ZMIZ1: variants seen among roughly 807,000 people sequenced by gnomAD.
ZMIZ1 encodes zinc finger MIZ domain-containing protein 1.
In ZMIZ1, 17 loss-of-function variants were observed where a neutral mutation model predicts 113.9. That is an observed-to-expected ratio of 0.15 (90% CI 0.10 to 0.22). The LOEUF (loss-of-function observed/expected upper bound fraction) is 0.22. Ranked by LOEUF, ZMIZ1 falls within the 10% of genes least tolerant of loss-of-function variation. ZMIZ1 has a pLI of 1.00. For missense variants in ZMIZ1, 1,059 were observed against 1,477.8 expected (o/e 0.72, Z 4.65); for synonymous variants, 607 against 603.1 (o/e 1.01, Z -0.09).
At chr10:79,248,871 G>A (rs11002891) in intron 7 of ZMIZ1, among the ~76,000 whole-genome samples, 10,620 of 152,198 alleles carry the variant, frequency 0.07, 693 homozygotes, top group East Asian at 0.36. Flanking sequence ...GGGTGCCAGC[G>A]GGTAGTCTCT....
At chr10:79,132,759 C>T (rs568075671) in intron 2 of ZMIZ1, among the ~76,000 whole-genome samples, 245 of 152,272 alleles carry the variant, frequency 1.6e-3, no homozygotes, top group Middle Eastern at 3.4e-3. Context: ...TCAGGCTTGG[C>T]GAGGCAGTGG....
intron 4 of ZMIZ1, among the ~76,000 whole-genome samples, chr10:79,168,038 T>G (rs553628167): frequency 1.3e-5 from 2 of 152,356 alleles, no homozygotes; most frequent in African/African-American, 4.8e-5. Context: ...GGGGTGTTTC[T>G]TAGGAGTCAG....
chr10:79,155,107 G>A (rs1335771608), intron 3 of ZMIZ1, among the ~76,000 whole-genome samples: 2 of 152,190 alleles, frequency 1.3e-5, no homozygotes, highest in Admixed American at 6.5e-5. Flanking sequence ...AGGCCTCTCT[G>A]ATGCATCGGA....
At chr10:79,255,635 C>G (rs1318664967) in intron 7 of ZMIZ1, among the ~76,000 whole-genome samples, 1 of 152,138 alleles carries the variant, frequency 6.6e-6, no homozygotes, top group Non-Finnish European at 1.5e-5. Flanking sequence ...TCCTGCCTAT[C>G]TCTGTCTCTG....
Position 79,305,548 on chromosome 10 carries a change from G to A in ZMIZ1, c.2370G>A (p.Leu790=), listed in dbSNP as rs1465906666. Residue 790 remains leucine, a synonymous_variant, in exon 21 of 25, where the codon CTG becomes CTA. Coordinates refer to ENST00000334512, the MANE Select transcript of ZMIZ1 (RefSeq NM_020338.4). The part of the protein sequence containing the change: ...RCPVCNKTAL[L]EGLEVDQYMW... ...CCTTTTCCAGTAAAACCGCTCTGCT[G>A]GAGGGCCTGGAGGTGGATCAGTACA... is the stretch of plus-strand genomic sequence containing the variant. 1.2e-6 allele frequency: 2 copies of A among 1,614,048 alleles called. No individual in the cohort carries two copies. Among genetic ancestry groups the A allele is most frequent in the Admixed American group, 3.3e-5 (2 of 60,008 alleles).
rs1042201162 is a variant in ZMIZ1 at position 79,307,401 on chromosome 10, C to T, written c.2669-4C>T. On this transcript the variant is annotated splice_polypyrimidine_tract_variant and splice_region_variant and intron_variant, in intron 22 of 24. Coordinates refer to ENST00000334512, the MANE Select transcript of ZMIZ1 (RefSeq NM_020338.4). ...CCTCCCCTCCCCATCTCATCCCTTC[C>T]TAGGCAACAACTACCAAGGCCATGG... The T allele has an allele frequency of 2.5e-6, 4 of 1,612,346 alleles. No homozygotes were observed. The Admixed American group carries it at 6.7e-5, about 27-fold the overall frequency.
intron 7 of ZMIZ1, among the ~76,000 whole-genome samples, chr10:79,275,563 C>G (rs956691513): frequency 6.6e-6 from 1 of 152,240 alleles, no homozygotes; most frequent in Non-Finnish European, 1.5e-5. Flanking sequence ...CAGCCACTCC[C>G]GGTCACTGTG....
intron 4 of ZMIZ1, among the ~76,000 whole-genome samples, chr10:79,174,158 AC>A (rs1174318361): frequency 1.3e-5 from 2 of 152,106 alleles, no homozygotes; most frequent in African/African-American, 2.4e-5. Flanking sequence ...CACAGGTTGC[AC>A]CCACCAGCTT....
chr10:79,094,344 G>T (rs1010908410), intron 1 of ZMIZ1, among the ~76,000 whole-genome samples: 41 of 146,150 alleles, frequency 2.8e-4, no homozygotes, highest in Non-Finnish European at 5.3e-4. Context: ...AACCCGGAGG[G>T]AGCTGGAGCC....
chr10:79,123,303 C>T (rs939139179), intron 2 of ZMIZ1, among the ~76,000 whole-genome samples: 12 of 152,204 alleles, frequency 7.9e-5, no homozygotes, highest in African/African-American at 2.9e-4. Context: ...AGCTCTGTTA[C>T]CCCTTTCTTT....
intron 4 of ZMIZ1, among the ~76,000 whole-genome samples, chr10:79,179,020 G>A (rs1288446903): frequency 6.6e-6 from 1 of 152,212 alleles, no homozygotes; most frequent in Admixed American, 6.5e-5. Flanking sequence ...AGGAAGGAGA[G>A]GAGTCGGGCA....
In ZMIZ1 at chr10:79,220,984, T is replaced by C. The variant is rs1848942955; in HGVS notation, c.280+4710T>C. Among the ~76,000 whole-genome samples the C allele has an allele frequency of 3.9e-5, 6 of 152,262 alleles. No individual in the cohort carries two copies. The South Asian group carries it at 1.2e-3, about 32-fold the overall frequency. The stretch of plus-strand genomic sequence containing the variant: ...ACCTGTGTGCGTGTCTGTGTGTGCA[T>C]GGTTGTGTACATGTGTGTATCTGCA... On this transcript the variant is annotated intron_variant, in intron 7 of 24. Transcript: ENST00000334512.
chr10:79,239,451 C>A (rs542885032), intron 7 of ZMIZ1, among the ~76,000 whole-genome samples: 1 of 152,302 alleles, frequency 6.6e-6, no homozygotes, highest in South Asian at 2.1e-4. Flanking sequence ...GCCTCCTTGT[C>A]CACCTCACCC....
intron 2 of ZMIZ1, among the ~76,000 whole-genome samples, chr10:79,120,624 C>A (rs1268991437): frequency 6.6e-6 from 1 of 152,216 alleles, no homozygotes; most frequent in Non-Finnish European, 1.5e-5. Context: ...GGAATCGTCC[C>A]TGTCCGCCTC....
At chr10:79,181,307 A>G (rs1847114097) in intron 4 of ZMIZ1, among the ~76,000 whole-genome samples, 1 of 152,206 alleles carries the variant, frequency 6.6e-6, no homozygotes, top group East Asian at 1.9e-4. Context: ...GGCCCTGCCT[A>G]CAAACGGGCT....
At chr10:79,216,484 A>G in intron 7 of ZMIZ1, 1 of 440,692 alleles carries the variant, frequency 2.3e-6, no homozygotes, top group Non-Finnish European at 4.1e-6. Flanking sequence ...TACTTGCCTC[A>G]GGGGTACTGC....
chr10:79,177,344 T>G (rs145733311), intron 4 of ZMIZ1, among the ~76,000 whole-genome samples: 1 of 152,342 alleles, frequency 6.6e-6, no homozygotes, highest in African/African-American at 2.4e-5. Flanking sequence ...GCCAGGCTCC[T>G]CGGCCCTGTC....
chr10:79,154,567 C>T (rs887070189), intron 3 of ZMIZ1, among the ~76,000 whole-genome samples: 8 of 152,236 alleles, frequency 5.3e-5, no homozygotes, highest in African/African-American at 1.9e-4. Context: ...CCCAGCTAGG[C>T]GCCCCTTTAA....
chr10:79,242,337 G>C (rs554003049), intron 7 of ZMIZ1, among the ~76,000 whole-genome samples: 20 of 151,906 alleles, frequency 1.3e-4, no homozygotes, highest in African/African-American at 4.6e-4. Context: ...GCCAGCTCCT[G>C]GTCACAGGAA....
Sources: allele counts gnomAD v4.1 joint callset (sites outside exome capture counted in the v4.1 genomes callset), GRCh38; gene constraint gnomAD v4.1.1; transcripts MANE v1.5; gene names NCBI Gene and HGNC (gene_info 2026-07-23, HGNC 2026-07-21).